RIMS1: variants seen among roughly 807,000 people sequenced by gnomAD.
The protein encoded by RIMS1 is regulating synaptic membrane exocytosis protein 1.
RIMS1 carries 83 observed loss-of-function variants against 214.1 expected under a neutral mutation model. The observed-to-expected ratio is 0.39, with a 90% CI of 0.32 to 0.47. The LOEUF (loss-of-function observed/expected upper bound fraction) is 0.47, where lower values mean the gene tolerates loss of function less well. Ranked by LOEUF, RIMS1 falls within the 20% of genes least tolerant of loss-of-function variation. RIMS1 has a pLI of 0.99. For missense variants in RIMS1, 2,050 were observed against 2,161.8 expected, an observed-to-expected ratio of 0.95 and a Z score of 1.03; for synonymous variants, 793 against 786.8, an observed-to-expected ratio of 1.01 and a Z score of -0.13.
chr6:72,028,722 G>T (rs1437736212), intron 2 of RIMS1, among the ~76,000 whole-genome samples: 2 of 152,122 alleles, frequency 1.3e-5, no homozygotes, highest in Non-Finnish European at 2.9e-5. Context: ...AAATATTTTA[G>T]AGACTAAAAG....
At chr6:72,004,581 A>G (rs1275917248) in intron 2 of RIMS1, among the ~76,000 whole-genome samples, 1 of 151,904 alleles carries the variant, frequency 6.6e-6, no homozygotes, top group African/African-American at 2.4e-5. Flanking sequence ...GTGAGATGGT[A>G]TCTCATTGTG....
At chr6:72,322,343 C>G (rs1304063320) in intron 28 of RIMS1, among the ~76,000 whole-genome samples, 5 of 152,076 alleles carry the variant, frequency 3.3e-5, no homozygotes, top group African/African-American at 1.2e-4. Flanking sequence ...ATATAGGAAT[C>G]AATGTGGCAA....
intron 2 of RIMS1, among the ~76,000 whole-genome samples, chr6:72,029,186 A>G (rs985117842): frequency 3.3e-5 from 5 of 152,172 alleles, no homozygotes; most frequent in Admixed American, 1.3e-4. Flanking sequence ...TTACGTACCA[A>G]AGTCTCAATA....
intron 1 of RIMS1, among the ~76,000 whole-genome samples, chr6:71,915,305 A>AT (rs1778031019): frequency 6.6e-6 from 1 of 152,016 alleles, no homozygotes; most frequent in Non-Finnish European, 1.5e-5. Flanking sequence ...TTTTATCTCC[A>AT]CTTTCCAACT....
At chr6:72,060,375 CT>C (rs1298702731) in intron 2 of RIMS1, among the ~76,000 whole-genome samples, 4 of 152,184 alleles carry the variant, frequency 2.6e-5, no homozygotes, top group Non-Finnish European at 5.9e-5. Context: ...CCAGATTAAA[CT>C]TCCATCTGCA....
intron 2 of RIMS1, among the ~76,000 whole-genome samples, chr6:72,081,545 CT>C (rs1190960163): frequency 1.3e-5 from 2 of 151,148 alleles, no homozygotes; most frequent in African/African-American, 4.9e-5. Context: ...CATTATGACA[CT>C]TTTTTTTTAG....
chr6:71,943,311 G>T (rs973236843), intron 1 of RIMS1, among the ~76,000 whole-genome samples: 2 of 152,018 alleles, frequency 1.3e-5, no homozygotes, highest in African/African-American at 2.4e-5. Context: ...GATTCCTTTG[G>T]GAACAATTTG....
chr6:72,325,662 G>A (rs1158100562), intron 28 of RIMS1, among the ~76,000 whole-genome samples: 2 of 151,748 alleles, frequency 1.3e-5, no homozygotes, highest in Non-Finnish European at 2.9e-5. Context: ...AACAAAATGT[G>A]CATAAGCCCT....
intron 4 of RIMS1, among the ~76,000 whole-genome samples, chr6:72,156,856 A>G (rs1347929698): frequency 1.4e-5 from 2 of 141,222 alleles, no homozygotes; most frequent in Admixed American, 7.3e-5. Flanking sequence ...ATGTAATTAA[A>G]CATTTTATTA....
Position 72,247,315 on chromosome 6 carries a change from G to A in RIMS1, c.2129-700G>A, listed in dbSNP as rs2154126638. Among the ~76,000 whole-genome samples the A allele has an allele frequency of 1.3e-5, 2 of 152,144 alleles. 1 individual carries two copies. The highest frequency in any genetic ancestry group is 4.1e-4 in the South Asian group (2 of 4,820). ...ATAGATGGGGAGGCCGAGGTGGGCG[G>A]ATCACCTGAGGTCAGGAGTTCGAGA... is the stretch of plus-strand genomic sequence containing the variant. On this transcript the variant is annotated intron_variant, in intron 11 of 33. Transcript: ENST00000521978.
chr6:71,990,351 A>G (rs1801222578), intron 2 of RIMS1, among the ~76,000 whole-genome samples: 1 of 152,140 alleles, frequency 6.6e-6, no homozygotes, highest in Non-Finnish European at 1.5e-5. Context: ...ACAGGCATTG[A>G]AGTTTTGTTT....
intron 12 of RIMS1, among the ~76,000 whole-genome samples, chr6:72,249,876 A>G (rs1458086758): frequency 6.6e-6 from 1 of 152,082 alleles, no homozygotes; most frequent in African/African-American, 2.4e-5. Flanking sequence ...AATTCTTTGT[A>G]TTTCTTATTC....
chr6:72,236,922 G>T (rs2064365119), intron 8 of RIMS1, among the ~76,000 whole-genome samples: 9 of 152,286 alleles, frequency 5.9e-5, no homozygotes, highest in African/African-American at 2.2e-4. Flanking sequence ...CTACAGCCTG[G>T]GTGCAGTGGC....
Position 72,129,176 on chromosome 6 carries a change from G to A in RIMS1, c.471+29190G>A, listed in dbSNP as rs558263542. 1.6e-3 allele frequency among the ~76,000 whole-genome samples: 239 copies of A among 152,170 alleles called. 3 individuals carry two copies. The South Asian group carries it at 0.02, about 13-fold the overall frequency. ...AAATTATCTTTGAAAAGTTAAACTGGTGGCAAGTTTACATATGGTTAAAGA... is the reference window on the plus strand; with the variant it reads ...AAATTATCTTTGAAAAGTTAAACTGATGGCAAGTTTACATATGGTTAAAGA... On this transcript the variant is annotated intron_variant, in intron 4 of 33. Coordinates refer to ENST00000521978, the MANE Select transcript of RIMS1 (RefSeq NM_014989.7).
intron 4 of RIMS1, among the ~76,000 whole-genome samples, chr6:72,116,608 G>A (rs2037126493): frequency 6.6e-6 from 1 of 151,946 alleles, no homozygotes; most frequent in African/African-American, 2.4e-5. Flanking sequence ...TAAAGGATGA[G>A]AGAGTAAATA....
chr6:72,174,165 C>A (rs558951949), intron 4 of RIMS1, among the ~76,000 whole-genome samples: 12 of 152,326 alleles, frequency 7.9e-5, no homozygotes, highest in African/African-American at 2.9e-4. Context: ...TTTTGTTTCA[C>A]TTACCACCCT....
At chr6:72,374,591 G>A (rs141889088) in intron 29 of RIMS1, among the ~76,000 whole-genome samples, 1 of 152,116 alleles carries the variant, frequency 6.6e-6, no homozygotes, top group African/African-American at 2.4e-5. Flanking sequence ...GTAGATCTCA[G>A]TGCCAGTCTG....
chr6:72,227,205 G>T (rs2060453688), intron 6 of RIMS1, among the ~76,000 whole-genome samples: 1 of 151,930 alleles, frequency 6.6e-6, no homozygotes, highest in South Asian at 2.1e-4. Context: ...GATTACTCAA[G>T]ATTTCAAATA....
chr6:71,927,201 G>A (rs190420457), intron 1 of RIMS1, among the ~76,000 whole-genome samples: 84 of 152,214 alleles, frequency 5.5e-4, no homozygotes, highest in Non-Finnish European at 7.8e-4. Flanking sequence ...CAATACCTGT[G>A]TACCACTCTA....
Sources: allele counts gnomAD v4.1 joint callset (sites outside exome capture counted in the v4.1 genomes callset), GRCh38; gene constraint gnomAD v4.1.1; transcripts MANE v1.5; gene names NCBI Gene and HGNC (gene_info 2026-07-23, HGNC 2026-07-21).